Variants in NPHP4 observed in about 807,000 individuals in gnomAD.
NPHP4 encodes the protein nephrocystin-4.
A neutral mutation model predicts 155.8 loss-of-function variants in NPHP4; 151 were observed. The observed-to-expected ratio is 0.97, with a 90% CI of 0.85 to 1.11. The LOEUF (loss-of-function observed/expected upper bound fraction) is 1.11, where lower values mean the gene tolerates loss of function less well. NPHP4 is among the 50% of genes least tolerant of loss of function. The probability of loss-of-function intolerance (pLI) is 0.00; values close to 1 mark genes in which losing one functional copy is unlikely to be tolerated. For missense variants in NPHP4, 1,956 were observed against 1,925.7 expected (o/e 1.02, Z -0.29); for synonymous variants, 845 against 816.8 (o/e 1.03, Z -0.59).
In NPHP4 at chr1:5,927,763, G is replaced by A. The variant is rs756153293; in HGVS notation, c.1327C>T (p.Leu443Phe). ...EEVKQVESGT[L>F]RFQFSLGSEE... ...GAGCCCAGCGAGAACTGGAACCGGA[G>A]TGTACCCGACTCCACCTGCTTCACC... is the stretch of plus-strand genomic sequence containing the variant. The change falls in exon 11 of 30, where the codon CTC (leucine) becomes TTC (phenylalanine). Residue 443 changes from leucine to phenylalanine, a missense_variant. Physicochemically the swap from Leu to Phe is conservative, Grantham distance 22. Transcript: ENST00000378156. The A allele has an allele frequency of 5.6e-6, 9 of 1,612,974 alleles. No homozygotes were observed. Among genetic ancestry groups the A allele is most frequent in the Non-Finnish European group, 6.8e-6 (8 of 1,179,052 alleles).
At position 5,905,657 on chromosome 1, in the gene NPHP4, T is replaced by C. The variant is rs917950890; in HGVS notation, c.1738A>G (p.Ile580Val). The C allele has an allele frequency of 1.4e-5, 23 of 1,613,808 alleles. No homozygotes were observed. Among genetic ancestry groups the C allele is most frequent in the Non-Finnish European group, 1.8e-5 (21 of 1,179,844 alleles). Residue 580 changes from isoleucine to valine, a missense_variant, in exon 14 of 30, where the codon ATT becomes GTT. Physicochemically the swap from Ile to Val is conservative, Grantham distance 29. Transcript: ENST00000378156. The surrounding 1 kb of genome is among the most constrained non-coding windows in gnomAD (Gnocchi z 4.0). Reference protein sequence around the residue: ...ELPFTPLHAPIVVGTQTRSSA... With the variant: ...ELPFTPLHAPVVVGTQTRSSA... The stretch of plus-strand genomic sequence containing the variant: ...CTCCTGGTCTGGGTTCCCACAACAA[T>C]AGGGGCATGCAAAGGCGTGAACGGC...
chr1:5,923,924 C>T (rs1217805634), intron 11 of NPHP4, among the ~76,000 whole-genome samples: 1 of 152,138 alleles, frequency 6.6e-6, no homozygotes, highest in East Asian at 1.9e-4. Context: ...AAAACTGATC[C>T]TGAACTGACA....
Position 5,886,363 on chromosome 1 carries a change from C to G in NPHP4, c.2485+923G>C, listed in dbSNP as rs533846669. On this transcript the variant is annotated intron_variant, in intron 18 of 29. Coordinates refer to ENST00000378156, the MANE Select transcript of NPHP4 (RefSeq NM_015102.5). ...CCCCTCCGCCAGGCCCCCCACCAAC[C>G]TCTGCGCTGCCAGCGTCGGGTGGAT... 4.6e-5 allele frequency: 7 copies of G among 152,386 alleles called. No individual in the cohort carries two copies. In the South Asian group the frequency reaches 1.4e-3, roughly 32 times the overall value. The allele number at this position is 152,386 out of a possible 1,614,324, so 9.4% of individuals were successfully genotyped here. A position where few individuals can be genotyped will look rare whatever the true frequency, so the allele number is the denominator to read the frequency against.
rs747313030 is a variant in NPHP4 at position 5,873,257 on chromosome 1, C to T, written c.3310G>A (p.Ala1104Thr). ...WKSSAVPTKH[A>T]KVLFRASGGK... ...GTCCTCCGTTGCCCCTTTACCTTGG[C>T]GTGTTTAGTGGGCACTGCGCTGGAC... is the stretch of plus-strand genomic sequence containing the variant. Residue 1104 changes from alanine to threonine, a missense_variant, in exon 23 of 30, where the codon GCC becomes ACC. By Grantham distance (58) the Ala-to-Thr change is moderately conservative. Transcript: ENST00000378156. The T allele has an allele frequency of 1.4e-5, 22 of 1,613,188 alleles. No individual in the cohort carries two copies. Among genetic ancestry groups the T allele is most frequent in the Admixed American group, 1.3e-4 (8 of 60,002 alleles).
At chr1:5,988,804 GGGTCCCGCCTC>G (rs1214512494) in intron 1 of NPHP4, among the ~76,000 whole-genome samples, 1 of 151,918 alleles carries the variant, frequency 6.6e-6, no homozygotes, top group African/African-American at 2.4e-5. Context: ...CCTTGGCCCA[GGGTCCCGCCTC>G]CACCCACAGT....
rs979303528 is a variant in NPHP4, at chr1:5,876,955, G to A, written c.2817+138C>T. 11 of 588,760 alleles carry A rather than the reference G, an allele frequency of 1.9e-5. No individual in the cohort carries two copies. The African/African-American group carries it at 2.1e-4, about 11-fold the overall frequency. The allele number at this position is 588,760 out of a possible 1,614,324, so 36.5% of individuals were successfully genotyped here. A position where few individuals can be genotyped will look rare whatever the true frequency, so the allele number is the denominator to read the frequency against. On this transcript the variant is annotated intron_variant, in intron 20 of 29. Transcript: ENST00000378156. ...AAGATTTCCCCCGGTGGCTGAAAAA[G>A]TCCGATTTTCTTATATTCTGTCCCC...
intron 19 of NPHP4, 21 bp downstream of exon 19, chr1:5,880,093 G>C (rs550757120): frequency 6.2e-7 from 1 of 1,613,346 alleles, no homozygotes. Context: ...CCCACACATG[G>C]GCCCAACAGT....
intron 10 of NPHP4, among the ~76,000 whole-genome samples, chr1:5,928,797 G>C (rs1251470700): frequency 1.3e-5 from 2 of 152,028 alleles, no homozygotes; most frequent in African/African-American, 4.8e-5. Flanking sequence ...GAATCAGCTT[G>C]TCTATATCGC....
intron 23 of NPHP4, 93 bp downstream of exon 23, chr1:5,873,159 T>C: frequency 1.7e-6 from 2 of 1,146,322 alleles, no homozygotes; most frequent in Non-Finnish European, 1.3e-6. Context: ...GCCCCAGCCC[T>C]CCCCTCCAGG....
intron 12 of NPHP4, among the ~76,000 whole-genome samples, chr1:5,908,931 T>C (rs1351829337): frequency 6.6e-6 from 1 of 152,088 alleles, no homozygotes; most frequent in Non-Finnish European, 1.5e-5. Flanking sequence ...GCATAGGGGT[T>C]GCAAGCAGCA....
At chr1:5,973,205 C>T (rs1466367093) in intron 3 of NPHP4, among the ~76,000 whole-genome samples, 1 of 152,156 alleles carries the variant, frequency 6.6e-6, no homozygotes, top group Non-Finnish European at 1.5e-5. Flanking sequence ...GTCTTTTATC[C>T]CTCACCCTCT....
At chr1:5,942,944 G>C (rs996057852) in intron 9 of NPHP4, among the ~76,000 whole-genome samples, 1 of 152,192 alleles carries the variant, frequency 6.6e-6, no homozygotes, top group Non-Finnish European at 1.5e-5. Flanking sequence ...GGTGATTTTT[G>C]CAGGTTTGCC....
chr1:5,968,532 C>T (rs372595969), intron 4 of NPHP4, among the ~76,000 whole-genome samples: 9 of 151,590 alleles, frequency 5.9e-5, no homozygotes, highest in African/African-American at 1.7e-4. Flanking sequence ...AGGCTGGAGG[C>T]GGAGGTGGCA....
chr1:5,947,740 C>G (rs1647186191), intron 8 of NPHP4, among the ~76,000 whole-genome samples: 2 of 152,158 alleles, frequency 1.3e-5, no homozygotes, highest in Non-Finnish European at 2.9e-5. Flanking sequence ...CTTGCTGCCC[C>G]CTGACTCTCC....
rs1272785398 is a variant in NPHP4, at chr1:5,890,088, G to T, written c.2304+780C>A. Among the ~76,000 whole-genome samples the T allele has an allele frequency of 6.6e-6, 1 of 152,148 alleles. No individual in the cohort carries two copies. Among genetic ancestry groups the T allele is most frequent in the African/African-American group, 2.4e-5 (1 of 41,412 alleles). On this transcript the variant is annotated intron_variant, in intron 17 of 29. Coordinates refer to ENST00000378156, the MANE Select transcript of NPHP4 (RefSeq NM_015102.5). The surrounding 1 kb of genome is among the most constrained non-coding windows in gnomAD (Gnocchi z 4.9). ...GCTTCTCAGGGGTCAGCAGCTGCTG[G>T]AGAGGACAGGAAGCCCCGGGGGTTC...
intron 23 of NPHP4, among the ~76,000 whole-genome samples, chr1:5,872,282 A>G (rs1189102359): frequency 6.6e-6 from 1 of 152,204 alleles, no homozygotes; most frequent in Admixed American, 6.5e-5. Context: ...TCACTTCCCA[A>G]TGCTGCCACG....
chr1:5,988,461 T>C (rs566054018), intron 1 of NPHP4, among the ~76,000 whole-genome samples: 67 of 152,318 alleles, frequency 4.4e-4, no homozygotes, highest in African/African-American at 1.5e-3. Context: ...TTTTGGATAA[T>C]ATAGTTGGTT....
Position 5,863,213 on chromosome 1 carries a change from G to A in NPHP4, c.*52C>T. ...GAGGACAGCCTGCAGGGCAGGAGGG[G>A]CACAGACAGGCCCCAGCTGGGTGCC... On this transcript the variant is annotated 3_prime_UTR_variant, in exon 30 of 30. Transcript: ENST00000378156. The A allele has an allele frequency of 6.2e-7, 1 of 1,604,124 alleles. No individual in the cohort carries two copies. The highest frequency in any genetic ancestry group is 8.5e-7 in the Non-Finnish European group (1 of 1,171,114).
At chr1:5,919,118 T>C (rs1184937471) in intron 11 of NPHP4, among the ~76,000 whole-genome samples, 2 of 152,140 alleles carry the variant, frequency 1.3e-5, no homozygotes, top group African/African-American at 2.4e-5. Context: ...CGGAGATGAG[T>C]AGCTGTGACA....
Sources: allele counts gnomAD v4.1 joint callset (sites outside exome capture counted in the v4.1 genomes callset), GRCh38; gene constraint gnomAD v4.1.1; non-coding constraint Gnocchi (gnomAD v3.1); transcripts MANE v1.5; gene names NCBI Gene and HGNC (gene_info 2026-07-23, HGNC 2026-07-21).